NUP188: variants seen among roughly 807,000 people sequenced by gnomAD.
NUP188 encodes the protein nucleoporin NUP188.
In NUP188, 97 loss-of-function variants were observed where a neutral mutation model predicts 223.0. That is an observed-to-expected ratio of 0.43 (90% CI 0.37 to 0.51). The LOEUF is 0.51. Among genes scored for constraint, NUP188 ranks in the 20% least tolerant of loss-of-function variants. NUP188 has a pLI of 0.00. For missense variants in NUP188, 1,947 were observed against 2,175.6 expected (o/e 0.89, Z 2.09); for synonymous variants, 869 against 828.0 (o/e 1.05, Z -0.85).
chr9:128,999,715 C>T lies in NUP188; in HGVS notation c.3753C>T (p.His1251=). The part of the protein sequence containing the change: ...EVIALFDQTR[H]SLALGSATED... ...TTGCACTCTTCGACCAGACCCGCCA[C>T]AGTCTGGCATTAGGCAGTGCCACAG... is the stretch of plus-strand genomic sequence containing the variant. The change falls in exon 34 of 44, where the codon CAC becomes CAT. Residue 1251 remains histidine, a synonymous_variant. Transcript: ENST00000372577. 6.2e-7 allele frequency: 1 copy of T among 1,614,164 alleles called. No individual in the cohort carries two copies. Among genetic ancestry groups the T allele is most frequent in the Non-Finnish European group, 8.5e-7 (1 of 1,179,976 alleles).
Position 129,002,804 on chromosome 9 carries a change from G to C in NUP188, c.4138-13G>C, listed in dbSNP as rs1004560495. The stretch of plus-strand genomic sequence containing the variant: ...AGCAGGGTTCCTGAGCTTGTCTGCT[G>C]TTTGTATCTTAGACACCTAGTGCCT... On this transcript the variant is annotated splice_polypyrimidine_tract_variant and intron_variant, in intron 36 of 43. Coordinates refer to ENST00000372577, the MANE Select transcript of NUP188 (RefSeq NM_015354.3). The C allele has an allele frequency of 6.2e-7, 1 of 1,612,798 alleles. No homozygotes were observed.
At chr9:128,986,765 A>G (rs1175027743) in intron 21 of NUP188, 44 bp from the exon 22 acceptor site, 5 of 1,613,370 alleles carry the variant, frequency 3.1e-6, no homozygotes, top group Non-Finnish European at 4.2e-6. Context: ...ATAAGGGGTC[A>G]TTTCACAAGG....
At chr9:128,983,605 C>T in intron 19 of NUP188, 55 bp downstream of exon 19, 1 of 1,164,366 alleles carries the variant, frequency 8.6e-7, no homozygotes, top group Non-Finnish European at 1.3e-6. Flanking sequence ...CCACATATGT[C>T]TCAGATCTAG....
intron 2 of NUP188, among the ~76,000 whole-genome samples, chr9:128,949,607 T>C (rs1841748756): frequency 6.6e-6 from 1 of 151,784 alleles, no homozygotes; most frequent in African/African-American, 2.4e-5. Context: ...GCTGTGATTA[T>C]AGGCGTGAGC....
intron 8 of NUP188, 68 bp from the exon 9 acceptor site, chr9:128,968,438 A>G (rs1355531585): frequency 3.2e-6 from 4 of 1,251,544 alleles, no homozygotes; most frequent in Non-Finnish European, 4.6e-6. Flanking sequence ...TCTTTAAAAA[A>G]TGTTCTTTAA....
At chr9:128,989,989 G>T in intron 24 of NUP188, 131 bp from the exon 25 acceptor site, 2 of 715,838 alleles carry the variant, frequency 2.8e-6, no homozygotes, top group Middle Eastern at 6.2e-4. Flanking sequence ...ACCTAGGTTT[G>T]CTGTGGCCCT....
chr9:128,955,962 G>A (rs1476398885), intron 3 of NUP188, among the ~76,000 whole-genome samples: 1 of 122,748 alleles, frequency 8.1e-6, no homozygotes, highest in African/African-American at 3.5e-5. Flanking sequence ...TTTATGAGCT[G>A]TGGGATTTTT....
intron 8 of NUP188, chr9:128,964,207 C>A: frequency 3.0e-6 from 1 of 331,798 alleles, no homozygotes; most frequent in Non-Finnish European, 5.9e-6. Flanking sequence ...AGTCAAGTGT[C>A]TGTTCACATT....
At chr9:128,973,464 C>T (rs568948810) in intron 12 of NUP188, among the ~76,000 whole-genome samples, 9 of 152,248 alleles carry the variant, frequency 5.9e-5, no homozygotes, top group African/African-American at 2.2e-4. Flanking sequence ...CTCACTGCAG[C>T]GTCCGCCTCC....
intron 5 of NUP188, 41 bp from the exon 6 acceptor site, chr9:128,957,969 C>T: frequency 6.5e-7 from 1 of 1,528,792 alleles, no homozygotes; most frequent in South Asian, 1.2e-5. Flanking sequence ...TTGAGTTTTG[C>T]CTAAAAGATG....
In NUP188 at chr9:128,958,058, A is replaced by G. The variant is rs1841896244; in HGVS notation, c.372+4A>G. ...GAGCCAGGCCTTAATCCTGAAGGTC[A>G]GTAGTAGTCACCATTTCTATTCTTT... On this transcript the variant is annotated splice_donor_region_variant and intron_variant, in intron 6 of 43. Coordinates refer to ENST00000372577, the MANE Select transcript of NUP188 (RefSeq NM_015354.3). 6.2e-6 allele frequency: 10 copies of G among 1,609,864 alleles called. No homozygotes were observed. The highest frequency in any genetic ancestry group is 1.7e-5 in the Admixed American group (1 of 59,924).
At chr9:128,990,555 ATC>A (rs1057128229) in intron 25 of NUP188, among the ~76,000 whole-genome samples, 16 of 151,690 alleles carry the variant, frequency 1.1e-4, no homozygotes, top group African/African-American at 3.9e-4. Flanking sequence ...GTGAAACCCT[ATC>A]TCTCCTAAAA....
intron 30 of NUP188, among the ~76,000 whole-genome samples, chr9:128,995,975 G>A (rs987676168): frequency 6.6e-6 from 1 of 152,166 alleles, no homozygotes; most frequent in African/African-American, 2.4e-5. Context: ...CCTGGTCTTA[G>A]AAAAAGAACA....
Position 128,986,648 on chromosome 9 carries a change from T to A in NUP188, c.2167T>A (p.Tyr723Asn), listed in dbSNP as rs1474060006. ...GCTTCCCAGCTACCATAAGTGGCGCTACAACTCTCATGGAGTGAGGGAACA... is the reference window on the plus strand; with the variant it reads ...GCTTCCCAGCTACCATAAGTGGCGCAACAACTCTCATGGAGTGAGGGAACA... Reference protein sequence around the residue: ...EMLPSYHKWRYNSHGVREQIG... With the variant: ...EMLPSYHKWRNNSHGVREQIG... The change falls in exon 21 of 44, where the codon TAC (tyrosine) becomes AAC (asparagine). Residue 723 changes from tyrosine to asparagine, a missense_variant. Transcript: ENST00000372577. The A allele has an allele frequency of 1.2e-6, 2 of 1,614,212 alleles. No homozygotes were observed. The highest frequency in any genetic ancestry group is 1.7e-6 in the Non-Finnish European group (2 of 1,180,032).
Position 128,987,127 on chromosome 9 carries a change from G to A in NUP188, c.2264+252G>A, listed in dbSNP as rs914939994. Among the ~76,000 whole-genome samples, 59 of 148,016 alleles carry A rather than the reference G, an allele frequency of 4.0e-4. 2 individuals carry two copies. The South Asian group carries it at 0.013, about 32-fold the overall frequency. ...TGTGTGTGTGTGTGTGTGTGTGTGT[G>A]TGTGTATGTGTATACATACACTAAT... On this transcript the variant is annotated intron_variant, in intron 22 of 43. Transcript: ENST00000372577.
chr9:128,952,093 G>T (rs558677212), intron 2 of NUP188, among the ~76,000 whole-genome samples: 2 of 151,954 alleles, frequency 1.3e-5, no homozygotes, highest in African/African-American at 2.4e-5. Context: ...ATGCCTGGCC[G>T]AGTCTGATTA....
chr9:128,949,069 C>CA (rs1475143886), intron 1 of NUP188, 120 bp from the exon 2 acceptor site: 1 of 664,464 alleles, frequency 1.5e-6, no homozygotes, highest in Non-Finnish European at 2.6e-6. Context: ...AAAAATTTAA[C>CA]AAATCGTTTT....
chr9:128,993,029 G>A (rs945899246), intron 25 of NUP188, 168 bp from the exon 26 acceptor site: 4 of 604,874 alleles, frequency 6.6e-6, no homozygotes, highest in East Asian at 5.6e-5. Flanking sequence ...GTGAATTTGC[G>A]GGCATCTCAT....
At chr9:128,978,721 G>GT (rs1284538010) in intron 12 of NUP188, among the ~76,000 whole-genome samples, 3 of 151,886 alleles carry the variant, frequency 2.0e-5, no homozygotes, top group Non-Finnish European at 4.4e-5. Context: ...TTGTTTGTTT[G>GT]TTTTTTGAGA....
Sources: gnomAD v4.1 joint callset for allele counts (sites outside exome capture counted in the v4.1 genomes callset) on GRCh38, gnomAD v4.1.1 for gene constraint, MANE v1.5 for transcripts, NCBI Gene and HGNC (gene_info 2026-07-23, HGNC 2026-07-21) for gene names.